Variants in LRCH1 observed in about 807,000 individuals in gnomAD.
LRCH1 encodes the protein leucine-rich repeat and calponin homology domain-containing protein 1.
In LRCH1, 23 loss-of-function variants were observed where a neutral mutation model predicts 94.9. That is an observed-to-expected ratio of 0.24 (90% CI 0.17 to 0.34). The LOEUF is 0.34. Among genes scored for constraint, LRCH1 ranks in the 10% least tolerant of loss-of-function variants. The pLI is 1.00. For synonymous variants in LRCH1, 364 were observed against 354.9 expected, an observed-to-expected ratio of 1.03 and a Z score of -0.29; for missense variants, 790 against 945.9, an observed-to-expected ratio of 0.84 and a Z score of 2.16.
At chr13:46,748,486 A>G (rs1873997348), downstream of LRCH1, among the ~76,000 whole-genome samples, 1 of 152,204 alleles carries the variant, frequency 6.6e-6, no homozygotes, top group Admixed American at 6.5e-5. Context: ...TTGCCCTTAT[A>G]GAACCTGCCT....
chr13:46,595,546 C>G lies in LRCH1; in HGVS notation c.307+41843C>G, dbSNP rs79248051. ...GGTTTATTACTGACATCTGTTCCCC[C>G]CTGAGCATATCCAGCTGGGGCTGAA... On this transcript the variant is annotated intron_variant, in intron 1 of 19. Transcript: ENST00000389797. 3.5e-3 allele frequency among the ~76,000 whole-genome samples: 526 copies of G among 152,334 alleles called. 1 individual carries two copies. The highest frequency in any genetic ancestry group is 0.012 in the African/African-American group (500 of 41,560).
chr13:46,696,912 A>T (rs1871225227), intron 9 of LRCH1, among the ~76,000 whole-genome samples: 1 of 152,070 alleles, frequency 6.6e-6, no homozygotes, highest in Admixed American at 6.6e-5. Context: ...CTACAAAAAA[A>T]CAAAAGCTAG....
At chr13:46,733,174 G>A (rs1014939754) in intron 18 of LRCH1, among the ~76,000 whole-genome samples, 1 of 152,116 alleles carries the variant, frequency 6.6e-6, no homozygotes, top group African/African-American at 2.4e-5. Context: ...AAATAGTGGA[G>A]GAATATTACA....
chr13:46,556,315 C>T lies in LRCH1; in HGVS notation c.307+2612C>T, dbSNP rs138867221. Among the ~76,000 whole-genome samples the T allele has an allele frequency of 5.7e-3, 866 of 152,224 alleles. 9 individuals are homozygous for T. Among genetic ancestry groups the T allele is most frequent in the African/African-American group, 0.019 (803 of 41,532 alleles). The stretch of plus-strand genomic sequence containing the variant: ...ACAGAGTGGAAAACCAAGATGTAAA[C>T]AAAGAAACATAGAATAGATGTCTAA... On this transcript the variant is annotated intron_variant, in intron 1 of 19. Coordinates refer to ENST00000389797, the MANE Select transcript of LRCH1 (RefSeq NM_001164211.2).
At chr13:46,737,253 C>T (rs780515844) in intron 19 of LRCH1, among the ~76,000 whole-genome samples, 6 of 152,118 alleles carry the variant, frequency 3.9e-5, no homozygotes, top group Non-Finnish European at 7.4e-5. Flanking sequence ...TATCCCTCCA[C>T]GACATTTAAA....
intron 1 of LRCH1, among the ~76,000 whole-genome samples, chr13:46,593,885 A>G (rs1313431650): frequency 6.6e-6 from 1 of 152,244 alleles, no homozygotes; most frequent in Non-Finnish European, 1.5e-5. Flanking sequence ...ATAGAAGAAA[A>G]AATGAACTTT....
downstream of LRCH1, among the ~76,000 whole-genome samples, chr13:46,746,149 C>T (rs115193877): frequency 6.3e-3 from 962 of 152,286 alleles, 11 homozygotes; most frequent in African/African-American, 0.022. Context: ...ACCCTGGTTC[C>T]AGGACTTACC....
chr13:46,650,832 A>G (rs1054511996), intron 2 of LRCH1, among the ~76,000 whole-genome samples: 1 of 152,056 alleles, frequency 6.6e-6, no homozygotes, highest in Non-Finnish European at 1.5e-5. Flanking sequence ...AAGCCTTCTT[A>G]AGAAAGTTGA....
At chr13:46,614,258 C>G (rs947323144) in intron 1 of LRCH1, among the ~76,000 whole-genome samples, 1 of 152,108 alleles carries the variant, frequency 6.6e-6, no homozygotes, top group Non-Finnish European at 1.5e-5. Flanking sequence ...ATCTATATCT[C>G]CCCATTTTCC....
chr13:46,689,459 A>G (rs1040024425), intron 7 of LRCH1, among the ~76,000 whole-genome samples: 1 of 152,144 alleles, frequency 6.6e-6, no homozygotes, highest in Non-Finnish European at 1.5e-5. Context: ...TCTCCTACAC[A>G]TTATCTAAAA....
chr13:46,729,593 T>C (rs868570523), intron 18 of LRCH1, among the ~76,000 whole-genome samples: 1 of 151,800 alleles, frequency 6.6e-6, no homozygotes, highest in Middle Eastern at 3.5e-3. Flanking sequence ...AAATTACTGA[T>C]TGACTGATGA....
chr13:46,699,435 A>G, intron 10 of LRCH1, 32 bp downstream of exon 10: 2 of 1,592,038 alleles, frequency 1.3e-6, no homozygotes, highest in Middle Eastern at 1.7e-4. Flanking sequence ...ACAAGCCATC[A>G]TCACTCAAAT....
intron 1 of LRCH1, among the ~76,000 whole-genome samples, chr13:46,630,131 TG>T (rs2051000927): frequency 6.6e-6 from 1 of 152,220 alleles, no homozygotes; most frequent in African/African-American, 2.4e-5. Context: ...TTTTCTTTTT[TG>T]CTATATTCTT....
At chr13:46,697,393 G>T (rs1021659200) in intron 9 of LRCH1, among the ~76,000 whole-genome samples, 1 of 152,132 alleles carries the variant, frequency 6.6e-6, no homozygotes, top group African/African-American at 2.4e-5. Context: ...ATTGATTGAT[G>T]AACATTACAA....
intron 6 of LRCH1, among the ~76,000 whole-genome samples, chr13:46,688,453 T>G (rs1318951470): frequency 1.3e-5 from 2 of 152,206 alleles, no homozygotes; most frequent in African/African-American, 4.8e-5. Flanking sequence ...TTGTCGCCAC[T>G]TCCTGTTTCA....
intron 1 of LRCH1, among the ~76,000 whole-genome samples, chr13:46,602,958 ACATGCATACATACATGCATG>A (rs1224293098): frequency 1.1e-5 from 1 of 90,820 alleles, no homozygotes; most frequent in Non-Finnish European, 2.2e-5. Flanking sequence ...ACAAATACAT[ACATGCATACATACATGCATG>A]CATACATACA....
intron 13 of LRCH1, chr13:46,705,571 G>C: frequency 1.7e-6 from 1 of 594,670 alleles, no homozygotes; most frequent in Non-Finnish European, 3.1e-6. Flanking sequence ...TCATCTTGCT[G>C]AGTCAAGCGA....
chr13:46,703,770 T>C (rs902619667), intron 11 of LRCH1, among the ~76,000 whole-genome samples: 2 of 152,064 alleles, frequency 1.3e-5, no homozygotes, highest in Non-Finnish European at 2.9e-5. Flanking sequence ...TTTTTTAAAG[T>C]ATGTAAAAAC....
intron 2 of LRCH1, among the ~76,000 whole-genome samples, chr13:46,666,636 A>G (rs2051520081): frequency 6.6e-6 from 1 of 152,274 alleles, no homozygotes; most frequent in Non-Finnish European, 1.5e-5. Context: ...TATGGCTCCA[A>G]ATAAATAGAC....
Sources: gnomAD v4.1 joint callset for allele counts (sites outside exome capture counted in the v4.1 genomes callset) on GRCh38, gnomAD v4.1.1 for gene constraint, MANE v1.5 for transcripts, NCBI Gene and HGNC (gene_info 2026-07-23, HGNC 2026-07-21) for gene names.